Variants in ANKRD42 observed in about 807,000 individuals in gnomAD.
ANKRD42 encodes ankyrin repeat domain 42, also known as ankyrin repeat domain-containing protein 42.
ANKRD42 carries 43 observed loss-of-function variants against 51.5 expected under a neutral mutation model. The observed-to-expected ratio is 0.83, with a 90% confidence interval of 0.65 to 1.08. The LOEUF (loss-of-function observed/expected upper bound fraction) is 1.08. Among genes scored for constraint, ANKRD42 ranks in the 50% least tolerant of loss-of-function variants. The pLI is 0.00. For synonymous variants in ANKRD42, 203 were observed against 213.0 expected (o/e 0.95, Z 0.41); for missense variants, 608 against 629.3 (o/e 0.97, Z 0.36).
At chr11:83,255,600 C>T (rs1008550766) in intron 11 of ANKRD42, among the ~76,000 whole-genome samples, 1 of 152,128 alleles carries the variant, frequency 6.6e-6, no homozygotes, top group African/African-American at 2.4e-5. Flanking sequence ...ACTTCTTACC[C>T]ACTAAATTTT....
intron 5 of ANKRD42, among the ~76,000 whole-genome samples, chr11:83,216,386 C>T (rs948703894): frequency 6.6e-6 from 1 of 151,614 alleles, no homozygotes; most frequent in Non-Finnish European, 1.5e-5. Flanking sequence ...TGCAGTGGCG[C>T]AATCTCGGCT....
Position 83,198,570 on chromosome 11 carries a change from C to T in ANKRD42, c.150C>T (p.Ala50=), listed in dbSNP as rs1356540233. ...KQLSEIVVRG[A]SINELDVLHK... The stretch of plus-strand genomic sequence containing the variant: ...TTTCAGAAATAGTGGTACGTGGAGC[C>T]AGCATTAATGAACTTGATGTTCTCC... The change falls in exon 2 of 11, where the codon GCC becomes GCT. Residue 50 remains alanine, a synonymous_variant. Coordinates refer to ENST00000533342, the MANE Select transcript of ANKRD42 (RefSeq NM_001300975.2). 3 of 1,613,510 alleles carry T rather than the reference C, an allele frequency of 1.9e-6. No homozygotes were observed. The highest frequency in any genetic ancestry group is 2.5e-6 in the Non-Finnish European group (3 of 1,179,714).
chr11:83,206,312 T>C, intron 3 of ANKRD42, 147 bp downstream of exon 3: 1 of 638,876 alleles, frequency 1.6e-6, no homozygotes, highest in Admixed American at 3.0e-5. Context: ...GATATTCTGA[T>C]ACCAGCTATC....
chr11:83,195,046 G>A (rs960178857), intron 1 of ANKRD42, among the ~76,000 whole-genome samples: 2 of 152,166 alleles, frequency 1.3e-5, no homozygotes, highest in African/African-American at 4.8e-5. Flanking sequence ...CCCTGTGGAG[G>A]TGACAAATTA....
chr11:83,256,089 T>G (rs1346861067), exon 12 of ANKRD42: 1 of 536,670 alleles, frequency 1.9e-6, no homozygotes, highest in Non-Finnish European at 3.1e-6. Context: ...ATTTAGAGAT[T>G]TTTTAAATGA....
chr11:83,260,101 G>C (rs984046567), downstream of ANKRD42: 1 of 152,224 alleles, frequency 6.6e-6, no homozygotes, highest in African/African-American at 2.4e-5. Flanking sequence ...GAGTGGATAA[G>C]GGGATGAAGA....
intron 2 of ANKRD42, among the ~76,000 whole-genome samples, chr11:83,204,229 C>T (rs565601534): frequency 1.3e-5 from 2 of 152,250 alleles, no homozygotes; most frequent in South Asian, 4.1e-4. Context: ...AGACATGAAC[C>T]ACTGCACCCA....
chr11:83,225,885 A>G (rs188085765), intron 6 of ANKRD42, among the ~76,000 whole-genome samples: 4 of 150,234 alleles, frequency 2.7e-5, no homozygotes, highest in Admixed American at 2.0e-4. Flanking sequence ...AGGGTAAACT[A>G]TTATTTTAGA....
intron 7 of ANKRD42, among the ~76,000 whole-genome samples, chr11:83,229,166 A>C (rs1236023371): frequency 6.6e-6 from 1 of 151,798 alleles, no homozygotes; most frequent in East Asian, 1.9e-4. Context: ...CCTTCTTGCT[A>C]TACCCTCACA....
chr11:83,199,304 T>A (rs184481779), intron 2 of ANKRD42, among the ~76,000 whole-genome samples: 5 of 152,268 alleles, frequency 3.3e-5, no homozygotes, highest in African/African-American at 1.2e-4. Context: ...TTATTATTCC[T>A]ATCTATGTTT....
chr11:83,198,712 A>G, intron 2 of ANKRD42, 70 bp downstream of exon 2: 1 of 1,414,098 alleles, frequency 7.1e-7, no homozygotes, highest in South Asian at 1.4e-5. Context: ...TTTAGCAAAC[A>G]GGGCTGAGAC....
chr11:83,230,650 G>A (rs975210559), intron 7 of ANKRD42, among the ~76,000 whole-genome samples: 3 of 151,756 alleles, frequency 2.0e-5, no homozygotes, highest in Admixed American at 1.3e-4. Context: ...GCAGTGGCGC[G>A]ATCTCTGCTC....
chr11:83,206,185 C>G lies in ANKRD42; in HGVS notation c.330+20C>G. On this transcript the variant is annotated intron_variant, in intron 3 of 10. Transcript: ENST00000533342. ...GTACAGGTAATAATATTACTTTTTT[C>G]AGTAAGTTCAATTACTTTAACATAG... is the stretch of plus-strand genomic sequence containing the variant. 1 of 1,551,156 alleles carries G rather than the reference C, an allele frequency of 6.4e-7. No homozygotes were observed. Among genetic ancestry groups the G allele is most frequent in the South Asian group, 1.1e-5 (1 of 88,886 alleles).
chr11:83,248,478 A>G lies in ANKRD42; in HGVS notation c.*274A>G, dbSNP rs1863609888. The G allele has an allele frequency of 3.6e-6, 4 of 1,115,696 alleles. No individual in the cohort carries two copies. The highest frequency in any genetic ancestry group is 4.4e-6 in the Non-Finnish European group (4 of 914,752). The allele number at this position is 1,115,696 out of a possible 1,614,324, so 69.1% of individuals were successfully genotyped here. A position where few individuals can be genotyped will look rare whatever the true frequency, so the allele number is the denominator to read the frequency against. Reference sequence around the variant, plus strand: ...TTCATAAGTAATCAATCAGAATTCTAAGACAGCTAGAGGATATGTATATTT... The same window carrying G: ...TTCATAAGTAATCAATCAGAATTCTGAGACAGCTAGAGGATATGTATATTT... On this transcript the variant is annotated 3_prime_UTR_variant, in exon 11 of 11. Coordinates refer to ENST00000533342, the MANE Select transcript of ANKRD42 (RefSeq NM_001300975.2).
At chr11:83,212,526 C>A in intron 5 of ANKRD42, 1 of 870,286 alleles carries the variant, frequency 1.1e-6, no homozygotes, top group South Asian at 1.5e-5. Context: ...TCTACAAATT[C>A]TAAAGGATAG....
intron 2 of ANKRD42, among the ~76,000 whole-genome samples, chr11:83,204,551 G>A (rs748872513): frequency 5.3e-5 from 8 of 151,930 alleles, no homozygotes; most frequent in Non-Finnish European, 1.0e-4. Flanking sequence ...TGGGAGATGG[G>A]TTCAATAGAA....
chr11:83,206,819 C>T (rs903891936), intron 3 of ANKRD42, among the ~76,000 whole-genome samples: 5 of 152,120 alleles, frequency 3.3e-5, no homozygotes, highest in African/African-American at 7.2e-5. Flanking sequence ...CCTAAAATTT[C>T]GTATTTAATG....
At chr11:83,252,871 ATATACT>A (rs1309579217), downstream of ANKRD42, among the ~76,000 whole-genome samples, 4 of 151,818 alleles carry the variant, frequency 2.6e-5, no homozygotes, top group Admixed American at 6.6e-5. Flanking sequence ...TACTTAATAC[ATATACT>A]TAAATATAAT....
At chr11:83,223,434 T>C (rs1862776939) in intron 5 of ANKRD42, among the ~76,000 whole-genome samples, 1 of 152,100 alleles carries the variant, frequency 6.6e-6, no homozygotes. Flanking sequence ...GTTCTGTATA[T>C]ATTTTGAAGG....
Sources: allele counts gnomAD v4.1 joint callset (sites outside exome capture counted in the v4.1 genomes callset), GRCh38; gene constraint gnomAD v4.1.1; transcripts MANE v1.5; gene names NCBI Gene and HGNC (gene_info 2026-07-23, HGNC 2026-07-21).